FMNL1: variants seen among roughly 807,000 people sequenced by gnomAD.
FMNL1 encodes formin like 1, also known as formin-like protein 1.
FMNL1 carries 43 observed loss-of-function variants against 121.3 expected under a neutral mutation model. The ratio of observed to expected loss-of-function variants is 0.35; its 90% CI spans 0.28 to 0.46. The LOEUF is 0.46. Among genes scored for constraint, FMNL1 ranks in the 20% least tolerant of loss-of-function variants. The pLI, the probability that FMNL1 is intolerant of heterozygous loss-of-function variation, is 1.00. For synonymous variants in FMNL1, 613 were observed against 613.5 expected (o/e 1.00, Z 0.01); for missense variants, 1,191 against 1,482.4 (o/e 0.80, Z 3.23).
At position 45,241,013 on chromosome 17, in the gene FMNL1, G is replaced by A; in HGVS notation, c.1231-116G>A. On this transcript the variant is annotated intron_variant, in intron 12 of 26. Coordinates refer to ENST00000331495, the MANE Select transcript of FMNL1 (RefSeq NM_005892.4). The surrounding 1 kb of genome is among the most constrained non-coding windows in gnomAD (Gnocchi z 7.0). Reference sequence around the variant, plus strand: ...TCGGCCCACCCTTGGCACCTGGGCTGAGCGGATCTGGGAGCCTCCCCCAGT... The same window carrying A: ...TCGGCCCACCCTTGGCACCTGGGCTAAGCGGATCTGGGAGCCTCCCCCAGT... 2 of 1,327,664 alleles carry A rather than the reference G, an allele frequency of 1.5e-6. No individual in the cohort carries two copies. The highest frequency in any genetic ancestry group is 1.5e-5 in the African/African-American group (1 of 68,820). The allele number at this position is 1,327,664 out of a possible 1,614,324, so 82.2% of individuals were successfully genotyped here. A position where few individuals can be genotyped will look rare whatever the true frequency, so the allele number is the denominator to read the frequency against.
At chr17:45,229,624 A>G (rs1396438964) in intron 1 of FMNL1, among the ~76,000 whole-genome samples, 1 of 152,198 alleles carries the variant, frequency 6.6e-6, no homozygotes, top group Non-Finnish European at 1.5e-5. Flanking sequence ...ATTGAAGGGA[A>G]CTGGCCTCAT....
In FMNL1 at chr17:45,234,061, C is replaced by T; in HGVS notation, c.486-11C>T. 1 of 1,613,604 alleles carries T rather than the reference C, an allele frequency of 6.2e-7. No individual in the cohort carries two copies. Among genetic ancestry groups the T allele is most frequent in the Non-Finnish European group, 8.5e-7 (1 of 1,179,700 alleles). ...GTGTTGGCCTCCAGCCCCATTGCAT[C>T]CTGTCCCCAGGTATGACATGGAGAG... On this transcript the variant is annotated splice_polypyrimidine_tract_variant and intron_variant, in intron 5 of 26. Transcript: ENST00000331495.
Position 45,233,166 on chromosome 17 carries a change from G to T in FMNL1, c.328-58G>T. On this transcript the variant is annotated intron_variant, in intron 3 of 26. Transcript: ENST00000331495. The surrounding 1 kb of genome is among the most constrained non-coding windows in gnomAD (Gnocchi z 4.1). The stretch of plus-strand genomic sequence containing the variant: ...GCTGCTGCCTGCTGCCTCAGGACTT[G>T]GTGGGCCTGTGGGAGGCCGGGCTCC... The T allele has an allele frequency of 6.5e-7, 1 of 1,528,172 alleles. No homozygotes were observed. The highest frequency in any genetic ancestry group is 1.2e-5 in the South Asian group (1 of 83,514). The allele number at this position is 1,528,172 out of a possible 1,614,324, so 94.7% of individuals were successfully genotyped here.
In FMNL1 at chr17:45,237,714, C is replaced by A. The variant is rs1199735251; in HGVS notation, c.894+75C>A. ...GGAGTCTTGTTGTTGGCAGTTGTGG[C>A]CTTTGCTGGAGGCAGCTGGGGACAT... On this transcript the variant is annotated intron_variant, in intron 9 of 26. Coordinates refer to ENST00000331495, the MANE Select transcript of FMNL1 (RefSeq NM_005892.4). The surrounding 1 kb of genome is among the most constrained non-coding windows in gnomAD (Gnocchi z 4.4). 9 of 1,541,526 alleles carry A rather than the reference C, an allele frequency of 5.8e-6. No homozygotes were observed. The highest frequency in any genetic ancestry group is 4.5e-6 in the Non-Finnish European group (5 of 1,118,538).
Position 45,241,263 on chromosome 17 carries a change from C to G in FMNL1, c.1332+33C>G. 1 of 1,613,590 alleles carries G rather than the reference C, an allele frequency of 6.2e-7. No individual in the cohort carries two copies. The highest frequency in any genetic ancestry group is 1.1e-5 in the South Asian group (1 of 91,054). On this transcript the variant is annotated intron_variant, in intron 13 of 26. Coordinates refer to ENST00000331495, the MANE Select transcript of FMNL1 (RefSeq NM_005892.4). The surrounding 1 kb of genome is among the most constrained non-coding windows in gnomAD (Gnocchi z 7.0). ...TGGGGCGGGTGGTAGGCCAGGCGCC[C>G]AAGAACAGGCCAGCTGAGGCTTCTA... is the stretch of plus-strand genomic sequence containing the variant.
chr17:45,247,054 G>A lies in FMNL1; in HGVS notation c.*196G>A. The A allele has an allele frequency of 1.6e-6, 1 of 634,450 alleles. No homozygotes were observed. Among genetic ancestry groups the A allele is most frequent in the East Asian group, 2.8e-5 (1 of 36,286 alleles). The allele number at this position is 634,450 out of a possible 1,614,324, so 39.3% of individuals were successfully genotyped here. A position where few individuals can be genotyped will look rare whatever the true frequency, so the allele number is the denominator to read the frequency against. On this transcript the variant is annotated 3_prime_UTR_variant, in exon 27 of 27. Coordinates refer to ENST00000331495, the MANE Select transcript of FMNL1 (RefSeq NM_005892.4). ...AAGGAAGGTGGTCCTCAGCTCGGCT[G>A]GCCGGGCAGCCCCTCCTCCGCTGTG...
intron 22 of FMNL1, 85 bp downstream of exon 22, chr17:45,245,501 A>T (rs772812204): frequency 6.2e-7 from 1 of 1,605,232 alleles, no homozygotes; most frequent in Non-Finnish European, 8.5e-7. Flanking sequence ...CGTAGCTGGG[A>T]CCCCTTGGGG....
chr17:45,242,431 T>C lies in FMNL1; in HGVS notation c.1976T>C (p.Val659Ala). The change falls in exon 16 of 27, where the codon GTC becomes GCC. Residue 659 changes from valine to alanine, a missense_variant. Around this residue, in one of 4 missense-constraint regions of FMNL1, gnomAD observed 519 missense variants for 492.8 expected, o/e 1.05. Coordinates refer to ENST00000331495, the MANE Select transcript of FMNL1 (RefSeq NM_005892.4). ...ALKPSQITGTVFTELNDEKVL... is the reference protein window; with the variant it reads ...ALKPSQITGTAFTELNDEKVL... ...AAACCCAGCCAGATCACCGGCACTG[T>C]CTTCACAGAGCTCAATGATGAGAAG... 6.2e-7 allele frequency: 1 copy of C among 1,614,078 alleles called. No individual in the cohort carries two copies. Among genetic ancestry groups the C allele is most frequent in the Non-Finnish European group, 8.5e-7 (1 of 1,179,940 alleles).
At position 45,231,825 on chromosome 17, in the gene FMNL1, T is replaced by TC. The variant is rs1490344528; in HGVS notation, c.214-538dup. Among the ~76,000 whole-genome samples the TC allele has an allele frequency of 6.6e-6, 1 of 152,024 alleles. No individual in the cohort carries two copies. On this transcript the variant is annotated intron_variant, in intron 2 of 26. Coordinates refer to ENST00000331495, the MANE Select transcript of FMNL1 (RefSeq NM_005892.4). This position sits in a 1 kb window ranked among gnomAD's most constrained non-coding sequence, Gnocchi z 4.7. ...TTCACGAGGCACCTCCAGCCGTCCT[T>TC]CCCCGCCGTATGCCAGCTCTGGTCC...
Position 45,244,359 on chromosome 17 carries a change from A to G in FMNL1, c.2517+115A>G, listed in dbSNP as rs1420172116. On this transcript the variant is annotated intron_variant, in intron 19 of 26. Transcript: ENST00000331495. ...GATAACATTCCCACTTCTCATGTACATGCTGAGAAGGACAAATCTAAGGGT... is the reference window on the plus strand; with the variant it reads ...GATAACATTCCCACTTCTCATGTACGTGCTGAGAAGGACAAATCTAAGGGT... 1.5e-5 allele frequency: 20 copies of G among 1,290,634 alleles called. No individual in the cohort carries two copies. In the East Asian group the frequency reaches 4.3e-4, roughly 28 times the overall value. 79.9% of individuals were successfully genotyped at this position (1,290,634 alleles called of 1,614,324 possible).
rs7209538 is a variant in FMNL1 at position 45,234,096 on chromosome 17, C to T, written c.510C>T (p.Asn170=). 4.1e-3 allele frequency: 6,558 copies of T among 1,614,086 alleles called. 211 individuals carry two copies. The African/African-American group carries it at 0.076, about 19-fold the overall frequency. Residue 170 remains asparagine (N), a synonymous_variant, in exon 6 of 27, where the codon AAC becomes AAT. Coordinates refer to ENST00000331495, the MANE Select transcript of FMNL1 (RefSeq NM_005892.4). ...GGTATGACATGGAGAGCACAGACAA[C>T]GGGGCTTCCAACTCAGAGAAAAACA... ...SVTYDMESTD[N]GASNSEKNKP... is the part of the protein sequence containing the mutation.
At position 45,222,058 on chromosome 17, in the gene FMNL1, G is replaced by A. The variant is rs186896541; in HGVS notation, c.-67G>A. 1 of 1,124,126 alleles carries A rather than the reference G, an allele frequency of 8.9e-7. No individual in the cohort carries two copies. The allele number at this position is 1,124,126 out of a possible 1,614,324, so 69.6% of individuals were successfully genotyped here. A position where few individuals can be genotyped will look rare whatever the true frequency, so the allele number is the denominator to read the frequency against. On this transcript the variant is annotated 5_prime_UTR_variant, in exon 1 of 27. Coordinates refer to ENST00000331495, the MANE Select transcript of FMNL1 (RefSeq NM_005892.4). ...CGCCCCCGCCCGGGCCGGGAGCCTCGTCCCCGTCCCCCGGAAAGCTGGATT... is the reference window on the plus strand; with the variant it reads ...CGCCCCCGCCCGGGCCGGGAGCCTCATCCCCGTCCCCCGGAAAGCTGGATT...
chr17:45,230,757 C>G, intron 2 of FMNL1, 70 bp downstream of exon 2: 1 of 1,510,972 alleles, frequency 6.6e-7, no homozygotes, highest in Non-Finnish European at 9.1e-7. Flanking sequence ...CAGGCTGGGG[C>G]TATGGGGAGA....
At chr17:45,230,264 C>T (rs1291161647) in intron 1 of FMNL1, among the ~76,000 whole-genome samples, 1 of 152,134 alleles carries the variant, frequency 6.6e-6, no homozygotes, top group East Asian at 1.9e-4. Context: ...AAAACTGGGG[C>T]CCAGAAGTGT....
At chr17:45,242,246 G>A in intron 15 of FMNL1, 95 bp from the exon 16 acceptor site, 1 of 1,576,934 alleles carries the variant, frequency 6.3e-7, no homozygotes, top group Non-Finnish European at 8.6e-7. Context: ...GGGGCCTCCT[G>A]CTGCCTCCTG....
chr17:45,225,672 G>A (rs2043315816), intron 1 of FMNL1, among the ~76,000 whole-genome samples: 1 of 152,178 alleles, frequency 6.6e-6, no homozygotes, highest in South Asian at 2.1e-4. Context: ...ATGGAGCCCT[G>A]GAAGGTGGCT....
Position 45,236,150 on chromosome 17 carries a change from A to G in FMNL1, c.629A>G (p.His210Arg). 6.2e-7 allele frequency: 1 copy of G among 1,612,646 alleles called. No homozygotes were observed. Among genetic ancestry groups the G allele is most frequent in the South Asian group, 1.1e-5 (1 of 91,068 alleles). ...RHLTIKLTPA[H>R]SRKALRNSRI... is the part of the protein sequence containing the mutation. ...ACCCCGCCCAGGCTGACCCCAGCCC[A>G]CAGCAGGAAGGCCCTGCGGAATTCC... Residue 210 changes from histidine to arginine, a missense_variant, in exon 7 of 27, where the codon CAC becomes CGC. By Grantham distance (29) the His-to-Arg change is conservative. Around this residue, in one of 4 missense-constraint regions of FMNL1, gnomAD observed 253 missense variants for 417.5 expected, o/e 0.61. Transcript: ENST00000331495.
In FMNL1 at chr17:45,233,905, G is replaced by C. The variant is rs184672597; in HGVS notation, c.486-167G>C. The C allele has an allele frequency of 9.9e-5, 129 of 1,303,756 alleles. No homozygotes were observed. The highest frequency in any genetic ancestry group is 9.7e-4 in the Middle Eastern group (4 of 4,134). The allele number at this position is 1,303,756 out of a possible 1,614,324, so 80.8% of individuals were successfully genotyped here. Reference sequence around the variant, plus strand: ...CAGAAGGCCTGCCCCCGACAGGGAGGGGTGGCCTCTCTTCCACCACTATGT... The same window carrying C: ...CAGAAGGCCTGCCCCCGACAGGGAGCGGTGGCCTCTCTTCCACCACTATGT... On this transcript the variant is annotated intron_variant, in intron 5 of 26. Coordinates refer to ENST00000331495, the MANE Select transcript of FMNL1 (RefSeq NM_005892.4). The surrounding 1 kb of genome is among the most constrained non-coding windows in gnomAD (Gnocchi z 4.1).
chr17:45,233,754 T>C lies in FMNL1; in HGVS notation c.485+23T>C, dbSNP rs763234690. ...CACGTAAGCCCCCTGCTCCCAGCCCTCATGCCGCTCCTCAGAGCTTTGATC... is the reference window on the plus strand; with the variant it reads ...CACGTAAGCCCCCTGCTCCCAGCCCCCATGCCGCTCCTCAGAGCTTTGATC... On this transcript the variant is annotated intron_variant, in intron 5 of 26. Transcript: ENST00000331495. This position sits in a 1 kb window ranked among gnomAD's most constrained non-coding sequence, Gnocchi z 4.1. 10 of 1,612,994 alleles carry C rather than the reference T, an allele frequency of 6.2e-6. No individual in the cohort carries two copies. Among genetic ancestry groups the C allele is most frequent in the African/African-American group, 4.0e-5 (3 of 74,902 alleles).
Sources: allele counts gnomAD v4.1 joint callset (sites outside exome capture counted in the v4.1 genomes callset), GRCh38; gene constraint gnomAD v4.1.1; regional missense constraint gnomAD v4.1.1; non-coding constraint Gnocchi (gnomAD v3.1); transcripts MANE v1.5; gene names NCBI Gene and HGNC (gene_info 2026-07-23, HGNC 2026-07-21).